PDE7B: variants seen among roughly 807,000 people sequenced by gnomAD.
PDE7B encodes phosphodiesterase 7B.
PDE7B carries 29 observed loss-of-function variants against 56.2 expected under a neutral mutation model. The observed-to-expected ratio is 0.52, with a 90% confidence interval of 0.38 to 0.70. The LOEUF (loss-of-function observed/expected upper bound fraction) is 0.70. PDE7B is among the 30% of genes least tolerant of loss of function. The probability of loss-of-function intolerance (pLI) is 0.00; values close to 1 mark genes in which losing one functional copy is unlikely to be tolerated. For missense variants in PDE7B, 490 were observed against 565.0 expected (o/e 0.87, Z 1.35); for synonymous variants, 197 against 196.9 (o/e 1.00, Z 0.00).
At chr6:136,137,402 G>A (rs1469609967) in intron 3 of PDE7B, among the ~76,000 whole-genome samples, 2 of 152,130 alleles carry the variant, frequency 1.3e-5, no homozygotes, top group East Asian at 1.9e-4. Context: ...AAGAGGTTCA[G>A]TTGGACTGAT....
At chr6:135,930,847 T>A (rs1050447254) in intron 1 of PDE7B, among the ~76,000 whole-genome samples, 2 of 152,240 alleles carry the variant, frequency 1.3e-5, no homozygotes, top group Non-Finnish European at 2.9e-5. Flanking sequence ...TTTCTGAGGC[T>A]ACTTGGAGTT....
intron 2 of PDE7B, among the ~76,000 whole-genome samples, chr6:136,003,282 A>T (rs1191327101): frequency 6.6e-6 from 1 of 151,506 alleles, no homozygotes; most frequent in Non-Finnish European, 1.5e-5. Flanking sequence ...TAACATCACA[A>T]TTAAAAGAAC....
chr6:135,897,526 C>A (rs975082033), intron 1 of PDE7B, among the ~76,000 whole-genome samples: 2 of 152,110 alleles, frequency 1.3e-5, no homozygotes, highest in South Asian at 4.1e-4. Context: ...GAGCTGATAA[C>A]AACAGAGAAA....
chr6:136,089,649 A>G (rs1051689675), intron 2 of PDE7B, among the ~76,000 whole-genome samples: 3 of 152,218 alleles, frequency 2.0e-5, no homozygotes, highest in African/African-American at 7.2e-5. Context: ...CAAGAAATGA[A>G]TGGAAATGAG....
At position 135,851,764 on chromosome 6, in the gene PDE7B, G is replaced by C; in HGVS notation, c.-235G>C. On this transcript the variant is annotated 5_prime_UTR_variant, in exon 1 of 13. Coordinates refer to ENST00000308191, the MANE Select transcript of PDE7B (RefSeq NM_018945.4). Reference sequence around the variant, plus strand: ...AGCACTTGTCTGGGAGAAAAGTGGTGTTACTCACCCAGGGAGAGTCTCTCT... The same window carrying C: ...AGCACTTGTCTGGGAGAAAAGTGGTCTTACTCACCCAGGGAGAGTCTCTCT... 1 of 505,186 alleles carries C rather than the reference G, an allele frequency of 2.0e-6. No individual in the cohort carries two copies. Among genetic ancestry groups the C allele is most frequent in the Non-Finnish European group, 3.5e-6 (1 of 285,018 alleles). 31.3% of individuals were successfully genotyped at this position (505,186 alleles called of 1,614,324 possible).
At chr6:136,152,198 T>G (rs1031821110) in intron 6 of PDE7B, among the ~76,000 whole-genome samples, 1 of 152,100 alleles carries the variant, frequency 6.6e-6, no homozygotes, top group Non-Finnish European at 1.5e-5. Context: ...ATAAATTATA[T>G]ATAAAGAAAA....
chr6:136,027,617 A>ATATT (rs1217062314), intron 2 of PDE7B, among the ~76,000 whole-genome samples: 6 of 152,066 alleles, frequency 3.9e-5, no homozygotes, highest in Admixed American at 6.5e-5. Flanking sequence ...TCATTTTTTA[A>ATATT]TATTTATTTA....
chr6:136,040,504 A>G (rs1267815651), intron 2 of PDE7B, among the ~76,000 whole-genome samples: 1 of 152,158 alleles, frequency 6.6e-6, no homozygotes, highest in African/African-American at 2.4e-5. Context: ...AGGTGTCTTC[A>G]GCTGCATCAT....
chr6:135,978,672 T>C (rs1229115539), intron 2 of PDE7B, among the ~76,000 whole-genome samples: 5 of 152,124 alleles, frequency 3.3e-5, no homozygotes, highest in Non-Finnish European at 7.4e-5. Context: ...CTTTTTTCTA[T>C]TTTCAATTTT....
intron 2 of PDE7B, among the ~76,000 whole-genome samples, chr6:136,069,837 A>G (rs904333396): frequency 1.3e-5 from 2 of 152,148 alleles, no homozygotes; most frequent in Non-Finnish European, 2.9e-5. Flanking sequence ...TGGTAAATGA[A>G]GTGCTTAAAG....
intron 3 of PDE7B, among the ~76,000 whole-genome samples, chr6:136,122,957 T>G (rs1777961590): frequency 6.6e-6 from 1 of 152,226 alleles, no homozygotes; most frequent in African/African-American, 2.4e-5. Context: ...GATATTCTTA[T>G]TCATTCATTT....
At position 136,195,394 on chromosome 6, in the gene PDE7B, T is replaced by G. The variant is rs778168101; in HGVS notation, c.*3554T>G. On this transcript the variant is annotated 3_prime_UTR_variant, in exon 13 of 13. Transcript: ENST00000308191. ...AGCTTGTATCTCACTGTATTTCTCA[T>G]GCTTTGTTCTTTTAAACAAATCCTT... The G allele has an allele frequency of 6.6e-6, 1 of 150,690 alleles. No homozygotes were observed. The highest frequency in any genetic ancestry group is 6.6e-5 in the Admixed American group (1 of 15,044). The allele number at this position is 150,690 out of a possible 1,614,324, so 9.3% of individuals were successfully genotyped here.
At chr6:136,002,516 C>T (rs536550815) in intron 2 of PDE7B, among the ~76,000 whole-genome samples, 2 of 152,096 alleles carry the variant, frequency 1.3e-5, no homozygotes, top group East Asian at 1.9e-4. Flanking sequence ...ATCTACCAAG[C>T]AAATGGAAAA....
chr6:135,898,630 ACTTT>A (rs1211186913), intron 1 of PDE7B, among the ~76,000 whole-genome samples: 1 of 152,190 alleles, frequency 6.6e-6, no homozygotes, highest in East Asian at 1.9e-4. Context: ...TAAATTATAT[ACTTT>A]CTTTAAAAAA....
chr6:135,907,067 G>A (rs1359755225), intron 1 of PDE7B, among the ~76,000 whole-genome samples: 2 of 148,028 alleles, frequency 1.4e-5, no homozygotes, highest in Non-Finnish European at 3.0e-5. Context: ...GGTCCTTGGT[G>A]AACTGCAAAC....
rs147060943 is a variant in PDE7B at position 135,896,042 on chromosome 6, A to G, written c.21+44023A>G. Among the ~76,000 whole-genome samples, 127 of 152,276 alleles carry G rather than the reference A, an allele frequency of 8.3e-4. 1 individual carries two copies. Among genetic ancestry groups the G allele is most frequent in the African/African-American group, 2.8e-3 (117 of 41,570 alleles). ...ATACATCCTTCTCTGCATTTGGTATATTTTGTGTGACTAGCTGCAAACTCA... is the reference window on the plus strand; with the variant it reads ...ATACATCCTTCTCTGCATTTGGTATGTTTTGTGTGACTAGCTGCAAACTCA... On this transcript the variant is annotated intron_variant, in intron 1 of 12. Coordinates refer to ENST00000308191, the MANE Select transcript of PDE7B (RefSeq NM_018945.4).
chr6:136,056,658 A>G (rs1296743752), intron 2 of PDE7B, among the ~76,000 whole-genome samples: 2 of 149,876 alleles, frequency 1.3e-5, no homozygotes, highest in East Asian at 3.9e-4. Context: ...CAGCCTCCCA[A>G]ATAGCTGGGA....
intron 1 of PDE7B, among the ~76,000 whole-genome samples, chr6:135,915,625 G>A (rs187394185): frequency 5.6e-4 from 85 of 152,176 alleles, no homozygotes; most frequent in African/African-American, 1.8e-3. Flanking sequence ...TGGCAAGTGC[G>A]CACCCCTTAT....
chr6:136,048,200 T>C (rs1032496989), intron 2 of PDE7B, among the ~76,000 whole-genome samples: 1 of 152,250 alleles, frequency 6.6e-6, no homozygotes. Flanking sequence ...TAATTCTGCC[T>C]GTATGATGGT....
Sources: gnomAD v4.1 joint callset for allele counts (sites outside exome capture counted in the v4.1 genomes callset) on GRCh38, gnomAD v4.1.1 for gene constraint, MANE v1.5 for transcripts, NCBI Gene and HGNC (gene_info 2026-07-23, HGNC 2026-07-21) for gene names.